The following DMD variants were observed in gnomAD, a reference collection of about 807,000 sequenced individuals.
DMD encodes dystrophin, also known as mutant dystrophin.
Under a neutral mutation model 330.1 loss-of-function variants are expected in DMD, and 63 were observed. The ratio of observed to expected loss-of-function variants is 0.19; its 90% CI spans 0.16 to 0.24. The LOEUF is 0.24. DMD is among the 10% of genes least tolerant of loss of function. DMD has a pLI of 1.00. For missense variants in DMD, 3,344 were observed against 2,684.1 expected, an observed-to-expected ratio of 1.25 and a Z score of -5.43; for synonymous variants, 1,223 against 959.8, an observed-to-expected ratio of 1.27 and a Z score of -5.07.
chrX:32,324,778 G>A (rs980731914), intron 41 of DMD, among the ~76,000 whole-genome samples: 1 of 111,549 alleles, frequency 9.0e-6, no homozygotes, highest in East Asian at 2.8e-4. Flanking sequence ...GAATAGAGGT[G>A]GTTTAAAACC....
At chrX:33,269,747 T>C (rs1290046494) in intron 1 of DMD, among the ~76,000 whole-genome samples, 2 of 110,763 alleles carry the variant, frequency 1.8e-5, no homozygotes, top group African/African-American at 6.6e-5. Context: ...TAGTGTTATA[T>C]ATGACTTAAG....
At chrX:32,095,579 C>T (rs2096499987) in intron 44 of DMD, among the ~76,000 whole-genome samples, 1 of 111,722 alleles carries the variant, frequency 9.0e-6, no homozygotes, top group Admixed American at 9.5e-5. Flanking sequence ...GCACTGGCAA[C>T]AATAATTCAC....
intron 1 of DMD, among the ~76,000 whole-genome samples, chrX:33,112,523 G>T (rs1005778): frequency 3.6e-5 from 4 of 111,466 alleles, no homozygotes; most frequent in African/African-American, 1.3e-4. Flanking sequence ...ATTGCTTGAA[G>T]AAGAAAATAG....
At chrX:32,237,161 A>G (rs914231372) in intron 43 of DMD, among the ~76,000 whole-genome samples, 4 of 111,212 alleles carry the variant, frequency 3.6e-5, no homozygotes, top group East Asian at 2.8e-4. Context: ...ATATTTTTAT[A>G]TATTTTAATG....
chrX:31,337,962 T>C (rs1220505879), intron 61 of DMD, among the ~76,000 whole-genome samples: 1 of 111,628 alleles, frequency 9.0e-6, no homozygotes, highest in East Asian at 2.8e-4. Flanking sequence ...AGCAGCTTCA[T>C]AAAGTCTAGG....
chrX:33,318,421 T>A (rs952249168), intron 1 of DMD, among the ~76,000 whole-genome samples: 1 of 109,963 alleles, frequency 9.1e-6, no homozygotes, highest in African/African-American at 3.3e-5. Flanking sequence ...TTTTTTAAAA[T>A]GATGTTTACA....
At chrX:33,029,819 A>G (rs772794428) in intron 1 of DMD, among the ~76,000 whole-genome samples, 25 of 112,216 alleles carry the variant, frequency 2.2e-4, no homozygotes, top group Non-Finnish European at 4.1e-4. Context: ...GAATGATCAG[A>G]ACTCCAAGAG....
intron 9 of DMD, among the ~76,000 whole-genome samples, chrX:32,645,862 G>T (rs1371983025): frequency 8.9e-6 from 1 of 112,106 alleles, no homozygotes; most frequent in Non-Finnish European, 1.9e-5. Flanking sequence ...ATTTCCGTCT[G>T]GACCCTAAAG....
chrX:32,111,334 A>G (rs767158690), intron 44 of DMD, among the ~76,000 whole-genome samples: 2 of 112,263 alleles, frequency 1.8e-5, no homozygotes, highest in African/African-American at 6.4e-5. Flanking sequence ...TTCTTTAAAC[A>G]ATTTTTTTAT....
chrX:32,876,866 ATTACT>A (rs926816518), intron 2 of DMD, among the ~76,000 whole-genome samples: 3 of 112,066 alleles, frequency 2.7e-5, no homozygotes, highest in Admixed American at 9.5e-5. Context: ...TACTTACACT[ATTACT>A]TTAATGTTTT....
At position 31,479,353 on chromosome X, in the gene DMD, T is replaced by C. The variant is rs72466572; in HGVS notation, c.8548-250A>G. On this transcript the variant is annotated intron_variant, in intron 57 of 78. Transcript: ENST00000357033. ...ATTCTGGATAGTTAATGCCCTCTCA[T>C]TGAGATAAGAGTGCTTTGTTTATGT... 0.069 allele frequency among the ~76,000 whole-genome samples: 7,682 copies of C among 111,583 alleles called. 491 individuals carry two copies. The highest frequency in any genetic ancestry group is 0.2 in the African/African-American group (6,036 of 30,593).
At chrX:31,429,121 CAAA>C in intron 60 of DMD, among the ~76,000 whole-genome samples, 1 of 81,426 alleles carries the variant, frequency 1.2e-5, no homozygotes. Context: ...GACTCCATCT[CAAA>C]AAAAAAAAAA....
intron 2 of DMD, among the ~76,000 whole-genome samples, chrX:32,859,940 C>A (rs1603449948): frequency 9.0e-6 from 1 of 111,674 alleles, no homozygotes; most frequent in East Asian, 2.8e-4. Context: ...GTCTTCAGTT[C>A]ATTTTATGAC....
intron 43 of DMD, among the ~76,000 whole-genome samples, chrX:32,252,831 T>TATATATAAATATATAAATATATAA (rs2097278435): frequency 1.7e-5 from 1 of 57,275 alleles, no homozygotes; most frequent in Non-Finnish European, 3.0e-5. Flanking sequence ...TAAATATATA[T>TATATATAAATATATAAATATATAA]AAATATATAT....
intron 44 of DMD, among the ~76,000 whole-genome samples, chrX:32,199,780 T>TTGTGTGTGTGTG (rs35897988): frequency 0.026 from 2,208 of 84,044 alleles, 53 homozygotes; most frequent in Non-Finnish European, 0.029. Flanking sequence ...CGCAAGGCTT[T>TTGTGTGTGTGTG]TGTGTGTGTG....
At chrX:32,087,238 G>A (rs754082539) in intron 44 of DMD, among the ~76,000 whole-genome samples, 3 of 111,603 alleles carry the variant, frequency 2.7e-5, no homozygotes, top group Non-Finnish European at 3.8e-5. Flanking sequence ...GGATGTTGAC[G>A]GTATTTCCCA....
chrX:31,719,471 A>G (rs1345350970), intron 52 of DMD, among the ~76,000 whole-genome samples: 1 of 111,861 alleles, frequency 8.9e-6, no homozygotes, highest in African/African-American at 3.3e-5. Context: ...TACAATACCC[A>G]TATTTTCCAT....
chrX:32,725,610 C>A (rs1248517797), intron 7 of DMD, among the ~76,000 whole-genome samples: 1 of 110,046 alleles, frequency 9.1e-6, no homozygotes, highest in African/African-American at 3.3e-5. Context: ...ATTTAGGCAC[C>A]CAACACTGGA....
chrX:32,913,419 G>A (rs1248174358), intron 2 of DMD, among the ~76,000 whole-genome samples: 2 of 112,035 alleles, frequency 1.8e-5, no homozygotes, highest in Non-Finnish European at 3.8e-5. Context: ...TTATACTAAG[G>A]AAAACAGGCT....
Sources: allele counts gnomAD v4.1 joint callset (sites outside exome capture counted in the v4.1 genomes callset), GRCh38; gene constraint gnomAD v4.1.1; transcripts MANE v1.5; gene names NCBI Gene and HGNC (gene_info 2026-07-23, HGNC 2026-07-21).